ADGRG6: variants seen among roughly 807,000 people sequenced by gnomAD.
ADGRG6 encodes G-protein coupled receptor 126.
In ADGRG6, 84 loss-of-function variants were observed where a neutral mutation model predicts 142.4. That is an observed-to-expected ratio of 0.59 (90% CI 0.49 to 0.71). ADGRG6 has a LOEUF of 0.71. ADGRG6 is among the 30% of genes least tolerant of loss of function. ADGRG6 has a pLI of 0.00. For synonymous variants in ADGRG6, 521 were observed against 520.5 expected, an observed-to-expected ratio of 1.00 and a Z score of -0.01; for missense variants, 1,367 against 1,466.6, an observed-to-expected ratio of 0.93 and a Z score of 1.11.
intron 2 of ADGRG6, among the ~76,000 whole-genome samples, chr6:142,330,867 G>A (rs1046660103): frequency 6.6e-5 from 10 of 151,946 alleles, no homozygotes; most frequent in African/African-American, 9.7e-5. Context: ...ATACATCAGA[G>A]GAACTATAGC....
At chr6:142,422,166 T>TC (rs200321765) in intron 22 of ADGRG6, among the ~76,000 whole-genome samples, 2,738 of 119,520 alleles carry the variant, frequency 0.023, 87 homozygotes, top group African/African-American at 0.099. Context: ...ATTTTTTCTC[T>TC]TTTTTTTTTT....
In ADGRG6 at chr6:142,377,929, T is replaced by C. The variant is rs1290279145; in HGVS notation, c.1070-4022T>C. Among the ~76,000 whole-genome samples the C allele has an allele frequency of 5.9e-5, 9 of 152,230 alleles. No individual in the cohort carries two copies. The East Asian group carries it at 1.5e-3, about 26-fold the overall frequency. On this transcript the variant is annotated intron_variant, in intron 4 of 24. Transcript: ENST00000367609. ...TTTATACCATTTTTACTTAAAAATA[T>C]TCCAGTGTGATTTTTATTGTTATAT...
At chr6:142,421,446 T>A (rs752020424) in intron 22 of ADGRG6, among the ~76,000 whole-genome samples, 26 of 152,220 alleles carry the variant, frequency 1.7e-4, no homozygotes, top group Non-Finnish European at 3.4e-4. Context: ...TATAAATACA[T>A]CTTTATTGGG....
rs530920962 is a variant in ADGRG6 at position 142,375,052 on chromosome 6, A to G, written c.1069+4259A>G. Among the ~76,000 whole-genome samples, 10 of 152,230 alleles carry G rather than the reference A, an allele frequency of 6.6e-5. No individual in the cohort carries two copies. In the South Asian group the frequency reaches 1.9e-3, roughly 28 times the overall value. ...AAATTTTCCATCCTTTGACCCATAC[A>G]TTCTCAACTCCTGTGCCCCATCCAC... On this transcript the variant is annotated intron_variant, in intron 4 of 24. Coordinates refer to ENST00000367609, the MANE Select transcript of ADGRG6 (RefSeq NM_198569.3).
intron 16 of ADGRG6, 61 bp from the exon 17 acceptor site, chr6:142,409,813 C>A (rs1432795653): frequency 4.2e-6 from 3 of 718,334 alleles, no homozygotes; most frequent in East Asian, 2.8e-5. Context: ...TATTCTTTTG[C>A]CATATTTAAA....
At chr6:142,332,985 G>A (rs1440295653) in intron 2 of ADGRG6, among the ~76,000 whole-genome samples, 2 of 152,146 alleles carry the variant, frequency 1.3e-5, no homozygotes, top group Admixed American at 1.3e-4. Flanking sequence ...AAATAGCTTG[G>A]CAGTTACTGA....
At chr6:142,322,613 T>C (rs1778572906) in intron 2 of ADGRG6, among the ~76,000 whole-genome samples, 1 of 152,056 alleles carries the variant, frequency 6.6e-6, no homozygotes, top group Non-Finnish European at 1.5e-5. Flanking sequence ...AACCAACATA[T>C]CCTTTTTCAT....
At chr6:142,362,009 A>G (rs1780746881) in intron 2 of ADGRG6, among the ~76,000 whole-genome samples, 1 of 152,162 alleles carries the variant, frequency 6.6e-6, no homozygotes, top group African/African-American at 2.4e-5. Context: ...TTCAGAAAGT[A>G]TTATCTTTTG....
intron 18 of ADGRG6, among the ~76,000 whole-genome samples, chr6:142,412,714 C>G (rs1023895688): frequency 1.6e-4 from 24 of 152,096 alleles, no homozygotes; most frequent in African/African-American, 5.6e-4. Context: ...ATTCAGTTTC[C>G]TTCCATGTTC....
chr6:142,362,293 C>T (rs1780763175), intron 2 of ADGRG6, among the ~76,000 whole-genome samples: 1 of 152,208 alleles, frequency 6.6e-6, no homozygotes, highest in Non-Finnish European at 1.5e-5. Context: ...GTTGAAGTAG[C>T]TCCTTATTCA....
chr6:142,317,810 T>A (rs1204793300), intron 2 of ADGRG6, among the ~76,000 whole-genome samples: 1 of 89,676 alleles, frequency 1.1e-5, no homozygotes, highest in South Asian at 2.7e-4. Context: ...TTATATATAT[T>A]TATATATATT....
intron 10 of ADGRG6, 82 bp from the exon 11 acceptor site, chr6:142,400,403 T>C (rs1775449831): frequency 2.9e-6 from 2 of 688,994 alleles, no homozygotes; most frequent in Non-Finnish European, 2.7e-6. Flanking sequence ...AGCATTGTCA[T>C]TTTGCTTTCA....
At chr6:142,309,348 A>G (rs1027975456) in intron 1 of ADGRG6, among the ~76,000 whole-genome samples, 196 bp from the exon 2 acceptor site, 1 of 151,784 alleles carries the variant, frequency 6.6e-6, no homozygotes, top group African/African-American at 2.4e-5. Flanking sequence ...AAATGCATGG[A>G]TTTATTTTCT....
chr6:142,361,978 A>C (rs566917265), intron 2 of ADGRG6, among the ~76,000 whole-genome samples: 2 of 152,300 alleles, frequency 1.3e-5, no homozygotes, highest in Admixed American at 6.5e-5. Context: ...AATGATTTAC[A>C]ACAGTTCATT....
rs375602677 is a variant in ADGRG6 at position 142,406,017 on chromosome 6, T to G, written c.2268+189T>G. ...TCAGATAATATGCTAATTAACAAGT[T>G]GTATGTACTTCAATTTTTAAAATAA... On this transcript the variant is annotated intron_variant, in intron 15 of 24. Transcript: ENST00000367609. Among the ~76,000 whole-genome samples, 26 of 152,274 alleles carry G rather than the reference T, an allele frequency of 1.7e-4. No homozygotes were observed. In the East Asian group the frequency reaches 4.8e-3, roughly 28 times the overall value.
At chr6:142,355,832 A>G (rs976679593) in intron 2 of ADGRG6, among the ~76,000 whole-genome samples, 1 of 152,082 alleles carries the variant, frequency 6.6e-6, no homozygotes, top group Non-Finnish European at 1.5e-5. Flanking sequence ...ATGACTGGCT[A>G]AAAGAAGACA....
chr6:142,331,818 T>G (rs1019830941), intron 2 of ADGRG6, among the ~76,000 whole-genome samples: 1 of 152,200 alleles, frequency 6.6e-6, no homozygotes, highest in African/African-American at 2.4e-5. Context: ...CATTAACTAA[T>G]CATTTTCATT....
chr6:142,368,702 A>G (rs1350309888), intron 3 of ADGRG6, among the ~76,000 whole-genome samples: 1 of 152,102 alleles, frequency 6.6e-6, no homozygotes, highest in Non-Finnish European at 1.5e-5. Flanking sequence ...ACTATTATAA[A>G]TTGTGTTTTT....
rs1164105083 is a variant in ADGRG6 at position 142,414,991 on chromosome 6, A to G, written c.2564A>G (p.Gln855Arg). Reference sequence around the variant, plus strand: ...TAGGACCTTCCAAGAAGTGCCTCACAGTTAGATGCAAGAAACACTAAAGTC... The same window carrying G: ...TAGGACCTTCCAAGAAGTGCCTCACGGTTAGATGCAAGAAACACTAAAGTC... ...VLMDLPRSAS[Q>R]LDARNTKVLT... The change falls in exon 19 of 25, where the codon CAG (glutamine) becomes CGG (arginine). Residue 855 changes from glutamine to arginine, a missense_variant. Coordinates refer to ENST00000367609, the MANE Select transcript of ADGRG6 (RefSeq NM_198569.3). 1 of 1,611,668 alleles carries G rather than the reference A, an allele frequency of 6.2e-7. No homozygotes were observed. The highest frequency in any genetic ancestry group is 1.3e-5 in the African/African-American group (1 of 74,912).
Sources: gnomAD v4.1 joint callset for allele counts (sites outside exome capture counted in the v4.1 genomes callset) on GRCh38, gnomAD v4.1.1 for gene constraint, MANE v1.5 for transcripts, NCBI Gene and HGNC (gene_info 2026-07-23, HGNC 2026-07-21) for gene names.